ATP11A: variants seen among roughly 807,000 people sequenced by gnomAD.
The protein encoded by ATP11A is phospholipid-transporting ATPase IH.
ATP11A carries 81 observed loss-of-function variants against 154.4 expected under a neutral mutation model. The observed-to-expected ratio is 0.52, with a 90% CI of 0.44 to 0.63. The LOEUF (loss-of-function observed/expected upper bound fraction) is 0.63, where lower values mean the gene tolerates loss of function less well. ATP11A is among the 30% of genes least tolerant of loss of function. The probability of loss-of-function intolerance (pLI) is 0.00; values close to 1 mark genes in which losing one functional copy is unlikely to be tolerated. For synonymous variants in ATP11A, 623 were observed against 585.9 expected, an observed-to-expected ratio of 1.06 and a Z score of -0.91; for missense variants, 1,316 against 1,474.3, an observed-to-expected ratio of 0.89 and a Z score of 1.76.
At chr13:112,691,020 C>T (rs1885096953) in intron 1 of ATP11A, among the ~76,000 whole-genome samples, 1 of 152,190 alleles carries the variant, frequency 6.6e-6, no homozygotes, top group South Asian at 2.1e-4. Context: ...CCAATTAGAT[C>T]AGAAGTCCGG....
At position 112,854,421 on chromosome 13, in the gene ATP11A, G is replaced by A. The variant is rs1261459306; in HGVS notation, c.2134G>A (p.Glu712Lys). 2 of 1,613,402 alleles carry A rather than the reference G, an allele frequency of 1.2e-6. No homozygotes were observed. Among genetic ancestry groups the A allele is most frequent in the Non-Finnish European group, 1.7e-6 (2 of 1,180,016 alleles). The change falls in exon 19 of 30, where the codon GAG (glutamate) becomes AAG (lysine). Residue 712 changes from glutamate to lysine, a missense_variant. This residue lies in a region of ATP11A where 876 missense variants were observed against 1,006.8 expected (regional missense o/e 0.87). Transcript: ENST00000375645. ...CTTCCGCAGGAACACGCAGCTGCTG[G>A]AGCTGACCACCAAGAGGATCGAGGA... ...KLFRRNTQLL[E>K]LTTKRIEEQS...
Position 112,882,552 on chromosome 13 carries a change from C to T in ATP11A, c.*686C>T, listed in dbSNP as rs577299334. 64 of 416,614 alleles carry T rather than the reference C, an allele frequency of 1.5e-4. No individual in the cohort carries two copies. The highest frequency in any genetic ancestry group is 1.2e-3 in the Admixed American group (30 of 24,680). The allele number at this position is 416,614 out of a possible 1,614,324, so 25.8% of individuals were successfully genotyped here. A position where few individuals can be genotyped will look rare whatever the true frequency, so the allele number is the denominator to read the frequency against. On this transcript the variant is annotated 3_prime_UTR_variant, in exon 30 of 30. Coordinates refer to ENST00000375645, the MANE Select transcript of ATP11A (RefSeq NM_015205.3). This position sits in a 1 kb window ranked among gnomAD's most constrained non-coding sequence, Gnocchi z 5.1. ...TGCGGATGCACCGCCGTACCCTGCT[C>T]ATCTGGGAGTGGTTTCCCTGCGGTT...
intron 25 of ATP11A, among the ~76,000 whole-genome samples, chr13:112,867,398 G>A (rs537611093): frequency 1.3e-5 from 2 of 152,276 alleles, no homozygotes; most frequent in East Asian, 3.9e-4. Context: ...GAATGTGAAC[G>A]TGCCTCCCAA....
intron 1 of ATP11A, among the ~76,000 whole-genome samples, chr13:112,731,936 G>GC (rs1360715697): frequency 1.5e-5 from 2 of 135,528 alleles, no homozygotes; most frequent in African/African-American, 6.3e-5. Context: ...AGAAATGGGG[G>GC]CGGGGGGGGG....
At chr13:112,834,562 A>G in intron 14 of ATP11A, 27 bp from the exon 15 acceptor site, 2 of 1,503,374 alleles carry the variant, frequency 1.3e-6, no homozygotes, top group Non-Finnish European at 1.9e-6. Flanking sequence ...TCTCAGATTC[A>G]CCCCGAGGTT....
intron 14 of ATP11A, 49 bp from the exon 15 acceptor site, chr13:112,834,539 AG>A (rs1211013955): frequency 8.4e-7 from 1 of 1,189,628 alleles, no homozygotes; most frequent in South Asian, 1.2e-5. Context: ...TCTATGAAAG[AG>A]GAACATCAGA....
intron 1 of ATP11A, among the ~76,000 whole-genome samples, chr13:112,771,304 C>A (rs925078215): frequency 6.6e-6 from 1 of 152,168 alleles, no homozygotes; most frequent in South Asian, 2.1e-4. Context: ...CTTACTGGGG[C>A]AACGAGGGGA....
intron 20 of ATP11A, chr13:112,856,840 T>G (rs1227868305): frequency 1.3e-5 from 2 of 152,230 alleles, no homozygotes; most frequent in African/African-American, 2.4e-5. Context: ...TCACACAAAC[T>G]CTGGAAACCA....
Position 112,690,874 on chromosome 13 carries a change from GTGTC to G in ATP11A, c.39+423_39+426del, listed in dbSNP as rs1447386028. On this transcript the variant is annotated intron_variant, in intron 1 of 29. Coordinates refer to ENST00000375645, the MANE Select transcript of ATP11A (RefSeq NM_015205.3). This position sits in a 1 kb window ranked among gnomAD's most constrained non-coding sequence, Gnocchi z 5.6. ...CTTCAGATGCGGCTTCCGCGCAGCC[GTGTC>G]TGTAAGATTAAGGGATTGGGAGGAA... is the stretch of plus-strand genomic sequence containing the variant. Among the ~76,000 whole-genome samples, 1 of 152,238 alleles carries G rather than the reference GTGTC, an allele frequency of 6.6e-6. No individual in the cohort carries two copies. Among genetic ancestry groups the G allele is most frequent in the Admixed American group, 6.5e-5 (1 of 15,292 alleles).
chr13:112,802,120 G>A lies in ATP11A; in HGVS notation c.163-2837G>A, dbSNP rs531556579. On this transcript the variant is annotated intron_variant, in intron 2 of 29. Coordinates refer to ENST00000375645, the MANE Select transcript of ATP11A (RefSeq NM_015205.3). ...AGCACTTTGGGAGGCCGAGGCGGGCGGATCACGAGGTCAGGAGATTGAGAC... is the reference window on the plus strand; with the variant it reads ...AGCACTTTGGGAGGCCGAGGCGGGCAGATCACGAGGTCAGGAGATTGAGAC... Among the ~76,000 whole-genome samples, 21 of 152,208 alleles carry A rather than the reference G, an allele frequency of 1.4e-4. No individual in the cohort carries two copies. The South Asian group carries it at 1.7e-3, about 12-fold the overall frequency.
chr13:112,861,758 TAATA>T (rs1290527179), intron 24 of ATP11A, among the ~76,000 whole-genome samples: 5 of 152,236 alleles, frequency 3.3e-5, no homozygotes, highest in South Asian at 4.1e-4. Context: ...TGTACATCTT[TAATA>T]AATCTAAAGA....
intron 1 of ATP11A, among the ~76,000 whole-genome samples, chr13:112,715,961 G>C (rs1888416916): frequency 1.3e-5 from 2 of 152,258 alleles, no homozygotes; most frequent in Admixed American, 1.3e-4. Context: ...GATGGTAGTG[G>C]CTGGGTGTGG....
intron 1 of ATP11A, among the ~76,000 whole-genome samples, chr13:112,708,656 G>A (rs1181356127): frequency 2.0e-5 from 3 of 152,202 alleles, no homozygotes; most frequent in South Asian, 2.1e-4. Flanking sequence ...ACCTCAGAGC[G>A]ACTGAGTCTG....
chr13:112,709,728 T>TGATTG (rs56186507), intron 1 of ATP11A, among the ~76,000 whole-genome samples: 126,310 of 151,824 alleles, frequency 0.83, 53,021 homozygotes, highest in East Asian at 0.96. Flanking sequence ...TAAATGTATT[T>TGATTG]AAGTCTCATG....
chr13:112,719,739 C>T (rs1888936667), intron 1 of ATP11A, among the ~76,000 whole-genome samples: 1 of 152,154 alleles, frequency 6.6e-6, no homozygotes, highest in Non-Finnish European at 1.5e-5. Flanking sequence ...ACAGAATCTC[C>T]TATTTTTGAG....
At chr13:112,743,691 G>C (rs887150121) in intron 1 of ATP11A, among the ~76,000 whole-genome samples, 2 of 152,224 alleles carry the variant, frequency 1.3e-5, no homozygotes, top group Middle Eastern at 3.2e-3. Flanking sequence ...GTTCCTGCTA[G>C]AGTTGACGGC....
In ATP11A at chr13:112,785,505, C is replaced by T. The variant is rs769660221; in HGVS notation, c.162+248C>T. Among the ~76,000 whole-genome samples, 6 of 152,032 alleles carry T rather than the reference C, an allele frequency of 3.9e-5. No individual in the cohort carries two copies. Among genetic ancestry groups the T allele is most frequent in the African/African-American group, 1.2e-4 (5 of 41,394 alleles). On this transcript the variant is annotated intron_variant, in intron 2 of 29. Coordinates refer to ENST00000375645, the MANE Select transcript of ATP11A (RefSeq NM_015205.3). The surrounding 1 kb of genome is among the most constrained non-coding windows in gnomAD (Gnocchi z 4.8). ...CGCAGTGTCTCCATTCTCGGGTGAC[C>T]GTGCCACAGAGGCAGTGCAGGTCTG...
chr13:112,791,610 CT>C (rs895671215), intron 2 of ATP11A, among the ~76,000 whole-genome samples: 15 of 152,212 alleles, frequency 9.9e-5, no homozygotes, highest in African/African-American at 3.4e-4. Flanking sequence ...CTCCTGACCC[CT>C]CTGCTGTGTC....
intron 29 of ATP11A, 151 bp downstream of exon 29, chr13:112,878,454 C>T (rs2080795550): frequency 7.1e-6 from 5 of 706,644 alleles, no homozygotes; most frequent in South Asian, 6.7e-5. Context: ...CCCGCCACCA[C>T]TTACACCTTC....
Sources: allele counts gnomAD v4.1 joint callset (sites outside exome capture counted in the v4.1 genomes callset), GRCh38; gene constraint gnomAD v4.1.1; regional missense constraint gnomAD v4.1.1; non-coding constraint Gnocchi (gnomAD v3.1); transcripts MANE v1.5; gene names NCBI Gene and HGNC (gene_info 2026-07-23, HGNC 2026-07-21).